TRPM3: variants seen among roughly 807,000 people sequenced by gnomAD.
The protein encoded by TRPM3 is long transient receptor potential channel 3.
Under a neutral mutation model 181.2 loss-of-function variants are expected in TRPM3, and 77 were observed. That is an observed-to-expected ratio of 0.42 (90% CI 0.35 to 0.51). TRPM3 has a LOEUF of 0.51. Ranked by LOEUF, TRPM3 falls within the 20% of genes least tolerant of loss-of-function variation. The pLI is 0.01. For synonymous variants in TRPM3, 745 were observed against 796.4 expected (o/e 0.94, Z 1.09); for missense variants, 1,759 against 2,196.7 (o/e 0.80, Z 3.98).
chr9:70,694,345 T>C (rs1206560223), intron 8 of TRPM3, among the ~76,000 whole-genome samples: 1 of 152,242 alleles, frequency 6.6e-6, no homozygotes. Context: ...CTAGAAGCCA[T>C]AGATTTTCTT....
intron 6 of TRPM3, among the ~76,000 whole-genome samples, chr9:70,792,620 G>A (rs1004773278): frequency 7.3e-5 from 11 of 150,434 alleles, no homozygotes; most frequent in African/African-American, 2.7e-4. Context: ...GGGAAACAAA[G>A]GGAGACAGGA....
At chr9:70,908,459 G>C (rs978521994) in intron 1 of TRPM3, among the ~76,000 whole-genome samples, 3 of 152,232 alleles carry the variant, frequency 2.0e-5, no homozygotes, top group Non-Finnish European at 4.4e-5. Flanking sequence ...AGCTATGAAA[G>C]CTCAAGAAAT....
intron 1 of TRPM3, among the ~76,000 whole-genome samples, chr9:71,099,954 A>G (rs2068031503): frequency 6.6e-6 from 1 of 151,970 alleles, no homozygotes; most frequent in Non-Finnish European, 1.5e-5. Flanking sequence ...ACGTATACTG[A>G]TTGTTTTATG....
At chr9:70,983,458 G>C (rs1558925) in intron 1 of TRPM3, among the ~76,000 whole-genome samples, 36,768 of 151,892 alleles carry the variant, frequency 0.24, 5,076 homozygotes, top group East Asian at 0.51. Context: ...TTTTTCTCTT[G>C]TGCCAGCATT....
chr9:71,386,828 CAATCAGTGTTCCGTAAA>C (rs2092934731), intron 1 of TRPM3, among the ~76,000 whole-genome samples: 1 of 152,114 alleles, frequency 6.6e-6, no homozygotes, highest in African/African-American at 2.4e-5. Flanking sequence ...AAGAAAATGA[CAATCAGTGTTCCGTAAA>C]AATCAATTTG....
intron 1 of TRPM3, among the ~76,000 whole-genome samples, chr9:71,291,197 T>A (rs2085780017): frequency 6.6e-6 from 1 of 152,102 alleles, no homozygotes; most frequent in South Asian, 2.1e-4. Flanking sequence ...ACTGAAATCT[T>A]AAAATACAGG....
intron 9 of TRPM3, among the ~76,000 whole-genome samples, chr9:70,676,283 G>A (rs576730615): frequency 2.1e-5 from 3 of 143,780 alleles, no homozygotes; most frequent in East Asian, 2.0e-4. Context: ...GCACATGTAC[G>A]AATGAAACTA....
intron 1 of TRPM3, among the ~76,000 whole-genome samples, chr9:70,965,618 G>A (rs1195241286): frequency 2.0e-5 from 3 of 152,066 alleles, no homozygotes; most frequent in South Asian, 2.1e-4. Flanking sequence ...TTGCATCCCA[G>A]GGATAAGGCC....
Position 70,793,489 on chromosome 9 carries a change from TATAA to T in TRPM3, c.974-9214_974-9211del, listed in dbSNP as rs1400880591. The T allele has an allele frequency of 8.4e-5, 12 of 142,882 alleles. 1 individual carries two copies. In the South Asian group the frequency reaches 1.7e-3, roughly 20 times the overall value. The allele number at this position is 142,882 out of a possible 1,614,324, so 8.9% of individuals were successfully genotyped here. ...AAAAAAATATATATATATATATATA[TATAA>T]AACACATATGTATATGTATGCATAT... On this transcript the variant is annotated intron_variant, in intron 6 of 25. Coordinates refer to ENST00000677713, the MANE Select transcript of TRPM3 (RefSeq NM_001366145.2).
At chr9:71,325,279 CAA>C (rs1270291459) in intron 1 of TRPM3, among the ~76,000 whole-genome samples, 1 of 152,054 alleles carries the variant, frequency 6.6e-6, no homozygotes, top group African/African-American at 2.4e-5. Context: ...AAATATCAAC[CAA>C]AGTCAATTTC....
At chr9:71,341,291 C>T (rs1009324977) in intron 1 of TRPM3, among the ~76,000 whole-genome samples, 1 of 152,064 alleles carries the variant, frequency 6.6e-6, no homozygotes, top group South Asian at 2.1e-4. Flanking sequence ...AGTATCCTAC[C>T]CTAATATTTG....
At chr9:71,161,207 G>C (rs139618376) in intron 1 of TRPM3, among the ~76,000 whole-genome samples, 128 of 152,162 alleles carry the variant, frequency 8.4e-4, no homozygotes, top group African/African-American at 3.0e-3. Context: ...CTACTTTCAC[G>C]AACTCCAAGC....
chr9:71,084,254 G>A (rs1055925969), intron 1 of TRPM3, among the ~76,000 whole-genome samples: 6 of 151,936 alleles, frequency 3.9e-5, no homozygotes, highest in Non-Finnish European at 8.8e-5. Flanking sequence ...GAGCCACGTA[G>A]TATATTTATA....
intron 1 of TRPM3, among the ~76,000 whole-genome samples, chr9:70,943,195 G>A (rs1333675833): frequency 6.6e-6 from 1 of 152,146 alleles, no homozygotes; most frequent in Non-Finnish European, 1.5e-5. Flanking sequence ...GGTGACTGAT[G>A]AATATTGGCT....
At chr9:70,588,034 A>C (rs1033651454) in intron 22 of TRPM3, among the ~76,000 whole-genome samples, 1 of 152,196 alleles carries the variant, frequency 6.6e-6, no homozygotes, top group African/African-American at 2.4e-5. Context: ...TTCAGTCTCC[A>C]CAGAGAACTT....
intron 1 of TRPM3, among the ~76,000 whole-genome samples, chr9:71,050,986 T>C (rs1011213026): frequency 6.6e-6 from 1 of 152,228 alleles, no homozygotes; most frequent in African/African-American, 2.4e-5. Flanking sequence ...ATAACTCTCC[T>C]TCATCCCTAA....
intron 1 of TRPM3, among the ~76,000 whole-genome samples, chr9:71,089,767 T>C (rs2133885173): frequency 2.0e-5 from 3 of 152,192 alleles, no homozygotes; most frequent in Admixed American, 2.0e-4. Context: ...GGAAGGCCAC[T>C]CAGCGGATGT....
chr9:70,603,560 G>T, intron 19 of TRPM3, 90 bp from the exon 20 acceptor site: 1 of 1,447,436 alleles, frequency 6.9e-7, no homozygotes, highest in South Asian at 1.4e-5. Context: ...ACAGAGCAGG[G>T]TCAGCAAGCA....
intron 1 of TRPM3, among the ~76,000 whole-genome samples, chr9:71,254,838 A>T (rs2082575700): frequency 1.3e-5 from 2 of 152,266 alleles, no homozygotes; most frequent in East Asian, 1.9e-4. Context: ...GAAAAGAAAG[A>T]AGGTGGAATA....
Sources: gnomAD v4.1 joint callset for allele counts (sites outside exome capture counted in the v4.1 genomes callset) on GRCh38, gnomAD v4.1.1 for gene constraint, MANE v1.5 for transcripts, NCBI Gene and HGNC (gene_info 2026-07-23, HGNC 2026-07-21) for gene names.